The following AFF3 variants were observed in gnomAD, a reference collection of about 807,000 sequenced individuals.
AFF3 encodes the protein ALF transcription elongation factor 3.
A neutral mutation model predicts 129.7 loss-of-function variants in AFF3; 32 were observed. That is an observed-to-expected ratio of 0.25 (90% confidence interval 0.19 to 0.33). AFF3 has a LOEUF of 0.33. AFF3 is among the 10% of genes least tolerant of loss of function. The pLI, the probability that AFF3 is intolerant of heterozygous loss-of-function variation, is 1.00. For missense variants in AFF3, 1,373 were observed against 1,592.0 expected (o/e 0.86, Z 2.34); for synonymous variants, 644 against 635.4 (o/e 1.01, Z -0.20).
chr2:99,603,785 G>C (rs1332844744), intron 13 of AFF3, among the ~76,000 whole-genome samples: 4 of 151,928 alleles, frequency 2.6e-5, no homozygotes, highest in African/African-American at 7.3e-5. Flanking sequence ...AAATTTACAA[G>C]AAAAAACAAT....
intron 15 of AFF3, among the ~76,000 whole-genome samples, chr2:99,592,092 A>G (rs1489294527): frequency 6.6e-6 from 1 of 152,188 alleles, no homozygotes; most frequent in Non-Finnish European, 1.5e-5. Context: ...TTACTTATGA[A>G]GATACAGTAA....
At chr2:99,813,250 C>T (rs1686936721) in intron 8 of AFF3, among the ~76,000 whole-genome samples, 1 of 152,154 alleles carries the variant, frequency 6.6e-6, no homozygotes, top group African/African-American at 2.4e-5. Context: ...GATGAGACGG[C>T]ACCAGTTCCA....
At chr2:99,790,386 T>A (rs1300550745) in intron 8 of AFF3, among the ~76,000 whole-genome samples, 1 of 152,250 alleles carries the variant, frequency 6.6e-6, no homozygotes, top group African/African-American at 2.4e-5. Context: ...GGCTTTGTAA[T>A]CTTTGAATGA....
intron 13 of AFF3, among the ~76,000 whole-genome samples, chr2:99,630,183 C>T (rs535710878): frequency 1.8e-4 from 27 of 152,222 alleles, no homozygotes; most frequent in East Asian, 5.8e-4. Flanking sequence ...TGCTCTTCAT[C>T]GGAAAGCTCA....
intron 13 of AFF3, among the ~76,000 whole-genome samples, chr2:99,638,565 G>A (rs915692033): frequency 4.6e-5 from 7 of 152,136 alleles, no homozygotes; most frequent in South Asian, 2.1e-4. Flanking sequence ...CTGTCCCCCC[G>A]CCCACAGAGG....
At chr2:99,659,601 C>T (rs189926070) in intron 12 of AFF3, among the ~76,000 whole-genome samples, 2 of 152,208 alleles carry the variant, frequency 1.3e-5, no homozygotes, top group East Asian at 1.9e-4. Context: ...AAGTAAATCG[C>T]CACTAATAAG....
chr2:99,953,119 C>G (rs980037124), intron 7 of AFF3, among the ~76,000 whole-genome samples: 1 of 152,124 alleles, frequency 6.6e-6, no homozygotes, highest in Non-Finnish European at 1.5e-5. Context: ...ATACAGAGAT[C>G]GTATACATGC....
chr2:100,090,040 C>T (rs1301071936), intron 4 of AFF3, among the ~76,000 whole-genome samples: 4 of 92,662 alleles, frequency 4.3e-5, no homozygotes, highest in Admixed American at 1.4e-4. Flanking sequence ...TTTACTTTAC[C>T]CAACTATCTC....
At chr2:99,920,419 A>G (rs1695776543) in intron 7 of AFF3, among the ~76,000 whole-genome samples, 1 of 152,102 alleles carries the variant, frequency 6.6e-6, no homozygotes, top group Non-Finnish European at 1.5e-5. Flanking sequence ...CACATTAAGT[A>G]GGAAAACTCA....
chr2:100,038,727 C>T (rs971212719), intron 4 of AFF3, among the ~76,000 whole-genome samples: 1 of 142,246 alleles, frequency 7.0e-6, no homozygotes, highest in African/African-American at 2.5e-5. Flanking sequence ...TCTTCTTCTT[C>T]TTTTTTTTTT....
chr2:99,846,300 T>C (rs1689718900), intron 7 of AFF3, among the ~76,000 whole-genome samples: 1 of 152,116 alleles, frequency 6.6e-6, no homozygotes, highest in African/African-American at 2.4e-5. Context: ...TGGTTAGTTT[T>C]TGTATTTTTA....
At position 99,690,777 on chromosome 2, in the gene AFF3, A is replaced by ATT. The variant is rs557728999; in HGVS notation, c.1092-18190_1092-18189dup. 8.5e-4 allele frequency among the ~76,000 whole-genome samples: 127 copies of ATT among 148,790 alleles called. 1 individual carries two copies. Among genetic ancestry groups the ATT allele is most frequent in the South Asian group, 1.9e-3 (9 of 4,648 alleles). On this transcript the variant is annotated intron_variant, in intron 11 of 24. Coordinates refer to ENST00000672756, the MANE Select transcript of AFF3 (RefSeq NM_001386135.1). Reference sequence around the variant, plus strand: ...AAAAGTATACTAACCCAAGGTAAGAATTTTTTTTTTTTCAAAAAAAGAAAA... The same window carrying ATT: ...AAAAGTATACTAACCCAAGGTAAGAATTTTTTTTTTTTTTCAAAAAAAGAAAA...
chr2:99,925,202 C>T (rs543009254), intron 7 of AFF3, among the ~76,000 whole-genome samples: 3 of 152,040 alleles, frequency 2.0e-5, no homozygotes, highest in Non-Finnish European at 4.4e-5. Context: ...TATTTTAGAA[C>T]TACAGCATGA....
chr2:99,712,293 C>A (rs1224743714), intron 11 of AFF3, among the ~76,000 whole-genome samples: 1 of 152,226 alleles, frequency 6.6e-6, no homozygotes, highest in East Asian at 1.9e-4. Flanking sequence ...CAGCGTGCAC[C>A]AGAGGAAAGG....
chr2:99,731,996 T>C (rs1679869819), intron 10 of AFF3, among the ~76,000 whole-genome samples: 1 of 152,214 alleles, frequency 6.6e-6, no homozygotes, highest in African/African-American at 2.4e-5. Context: ...AGGCCAGGGA[T>C]GGAACATCAT....
intron 1 of AFF3, among the ~76,000 whole-genome samples, chr2:100,133,887 C>T (rs1440839297): frequency 4.0e-5 from 6 of 151,850 alleles, no homozygotes; most frequent in Non-Finnish European, 7.4e-5. Context: ...GAGCTGAGAT[C>T]GCGCCACTGC....
chr2:99,570,879 G>A (rs979766090), intron 18 of AFF3, among the ~76,000 whole-genome samples: 3 of 152,158 alleles, frequency 2.0e-5, no homozygotes, highest in Admixed American at 6.5e-5. Context: ...TCTAGGAGCC[G>A]AATGTTGCCT....
chr2:99,563,069 G>A (rs1241757603), intron 20 of AFF3, among the ~76,000 whole-genome samples: 1 of 152,060 alleles, frequency 6.6e-6, no homozygotes, highest in African/African-American at 2.4e-5. Flanking sequence ...TGTACATCCT[G>A]GGCTAGGTCA....
At chr2:99,770,747 T>G (rs1317917549) in intron 8 of AFF3, among the ~76,000 whole-genome samples, 12 of 152,152 alleles carry the variant, frequency 7.9e-5, no homozygotes, top group Admixed American at 7.9e-4. Context: ...AGTGTCTCCT[T>G]CTGGCCCAGG....
Sources: allele counts gnomAD v4.1 joint callset (sites outside exome capture counted in the v4.1 genomes callset), GRCh38; gene constraint gnomAD v4.1.1; transcripts MANE v1.5; gene names NCBI Gene and HGNC (gene_info 2026-07-23, HGNC 2026-07-21).